FGD4: variants seen among roughly 807,000 people sequenced by gnomAD.
FGD4 encodes the protein FYVE, RhoGEF and PH domain-containing protein 4.
FGD4 carries 42 observed loss-of-function variants against 102.0 expected under a neutral mutation model. That is an observed-to-expected ratio of 0.41 (90% confidence interval 0.32 to 0.53). FGD4 has a LOEUF of 0.53. FGD4 is among the 20% of genes least tolerant of loss of function. The probability of loss-of-function intolerance (pLI) is 0.21; values close to 1 mark genes in which losing one functional copy is unlikely to be tolerated. For synonymous variants in FGD4, 380 were observed against 375.7 expected, an observed-to-expected ratio of 1.01 and a Z score of -0.13; for missense variants, 902 against 1,078.2, an observed-to-expected ratio of 0.84 and a Z score of 2.29.
chr12:32,608,189 T>C (rs1176225821), intron 8 of FGD4, 94 bp downstream of exon 8: 1 of 1,483,200 alleles, frequency 6.7e-7, no homozygotes, highest in East Asian at 2.3e-5. Flanking sequence ...TCACAGCTAC[T>C]TTAGTCAAAT....
At chr12:32,582,601 T>C (rs1401537250) in intron 4 of FGD4, 134 bp downstream of exon 4, 1 of 1,182,566 alleles carries the variant, frequency 8.5e-7, no homozygotes, top group Non-Finnish European at 1.2e-6. Flanking sequence ...ATTTTCAAGC[T>C]CTGGCTGCTG....
At chr12:32,441,095 G>C (rs1414937444) in intron 1 of FGD4, among the ~76,000 whole-genome samples, 1 of 152,150 alleles carries the variant, frequency 6.6e-6, no homozygotes, top group Non-Finnish European at 1.5e-5. Context: ...CCAAGAGTCA[G>C]GGTCTGGAAC....
At chr12:32,473,915 G>C (rs2136527362) in intron 1 of FGD4, among the ~76,000 whole-genome samples, 1 of 152,074 alleles carries the variant, frequency 6.6e-6, no homozygotes, top group African/African-American at 2.4e-5. Flanking sequence ...GTGAAACCCT[G>C]TCTCTACTAA....
chr12:32,584,146 G>A (rs1424772776), intron 4 of FGD4, among the ~76,000 whole-genome samples: 1 of 152,156 alleles, frequency 6.6e-6, no homozygotes, highest in Admixed American at 6.5e-5. Flanking sequence ...TCCTGAATGG[G>A]CCTTTACACA....
chr12:32,620,520 CTTTTTTTTTTT>C (rs1233071153), intron 11 of FGD4, among the ~76,000 whole-genome samples: 6 of 91,130 alleles, frequency 6.6e-5, no homozygotes, highest in Admixed American at 5.5e-4. Context: ...TTTTTTCTTT[CTTTTTTTTTTT>C]TTTTTTTTTT....
chr12:32,558,733 T>G (rs140513442), intron 1 of FGD4, among the ~76,000 whole-genome samples: 1 of 152,314 alleles, frequency 6.6e-6, no homozygotes, highest in East Asian at 1.9e-4. Context: ...AAAGGAAAGT[T>G]AAGCCATAGT....
intron 1 of FGD4, among the ~76,000 whole-genome samples, chr12:32,406,563 TA>T (rs994978471): frequency 6.7e-6 from 1 of 149,920 alleles, no homozygotes; most frequent in Admixed American, 6.7e-5. Context: ...CAAAAAAATT[TA>T]AAAAAAAAGA....
intron 1 of FGD4, among the ~76,000 whole-genome samples, chr12:32,475,684 G>A (rs1230501816): frequency 2.0e-5 from 3 of 152,166 alleles, no homozygotes; most frequent in Admixed American, 1.3e-4. Flanking sequence ...TGATGCATAC[G>A]AAGTTTTAGA....
intron 1 of FGD4, among the ~76,000 whole-genome samples, chr12:32,517,982 A>G (rs1413805703): frequency 6.7e-6 from 1 of 149,822 alleles, no homozygotes; most frequent in Non-Finnish European, 1.5e-5. Flanking sequence ...TGCATGTAAC[A>G]TTTACTGTTT....
rs959203100 is a variant in FGD4, at chr12:32,524,395, C to CAAAA, written c.167-39724_167-39721dup. Among the ~76,000 whole-genome samples, 207 of 69,272 alleles carry CAAAA rather than the reference C, an allele frequency of 3.0e-3. 6 individuals carry two copies. Among genetic ancestry groups the CAAAA allele is most frequent in the African/African-American group, 0.011 (193 of 17,190 alleles). The allele number at this position is 69,272 out of a possible 152,430, so 45.4% of individuals were successfully genotyped here. A position where few individuals can be genotyped will look rare whatever the true frequency, so the allele number is the denominator to read the frequency against. ...TGGGCGACAGAGGGAGACTCTGTCT[C>CAAAA]AAAAAAAAAAAAAAAAAAAAAGATA... is the stretch of plus-strand genomic sequence containing the variant. On this transcript the variant is annotated intron_variant, in intron 1 of 16. Coordinates refer to ENST00000534526, the MANE Select transcript of FGD4 (RefSeq NM_001370298.3).
chr12:32,513,352 G>A (rs559657354), intron 1 of FGD4, among the ~76,000 whole-genome samples: 24 of 152,314 alleles, frequency 1.6e-4, no homozygotes, highest in African/African-American at 5.3e-4. Flanking sequence ...GAGTGGAATG[G>A]TTGGAATCTG....
At chr12:32,424,221 C>T (rs184076590) in intron 1 of FGD4, among the ~76,000 whole-genome samples, 1 of 151,964 alleles carries the variant, frequency 6.6e-6, no homozygotes, top group East Asian at 1.9e-4. Context: ...CCTCCCCTAG[C>T]CCCCAACCCC....
At chr12:32,435,596 G>A (rs1371658911) in intron 1 of FGD4, among the ~76,000 whole-genome samples, 2 of 151,432 alleles carry the variant, frequency 1.3e-5, no homozygotes, top group Non-Finnish European at 2.9e-5. Context: ...ACTCATTAGC[G>A]AATATAATTT....
chr12:32,486,053 A>T (rs978811013), intron 1 of FGD4: 5 of 1,497,838 alleles, frequency 3.3e-6, no homozygotes, highest in African/African-American at 1.4e-5. Flanking sequence ...TCTACCAACA[A>T]ATTATGGATC....
Position 32,516,290 on chromosome 12 carries a change from C to T in FGD4, c.167-47847C>T, listed in dbSNP as rs181147867. Among the ~76,000 whole-genome samples, 171 of 152,146 alleles carry T rather than the reference C, an allele frequency of 1.1e-3. 2 individuals carry two copies. The highest frequency in any genetic ancestry group is 0.011 in the Admixed American group (162 of 15,260). On this transcript the variant is annotated intron_variant, in intron 1 of 16. Transcript: ENST00000534526. ...AGGCAGGAGGATTACTCCAGGTGTG[C>T]GCCACCATGCCTGGCTAATTTTTTA...
chr12:32,455,365 G>C (rs749309897), intron 1 of FGD4, among the ~76,000 whole-genome samples: 1 of 151,996 alleles, frequency 6.6e-6, no homozygotes, highest in Non-Finnish European at 1.5e-5. Flanking sequence ...AAGTATAGTA[G>C]TATATTCCTT....
In FGD4 at chr12:32,517,599, G is replaced by T. The variant is rs977977569; in HGVS notation, c.167-46538G>T. 3.3e-5 allele frequency among the ~76,000 whole-genome samples: 5 copies of T among 152,282 alleles called. No individual in the cohort carries two copies. In the East Asian group the frequency reaches 9.7e-4, roughly 29 times the overall value. On this transcript the variant is annotated intron_variant, in intron 1 of 16. Transcript: ENST00000534526. The stretch of plus-strand genomic sequence containing the variant: ...ATCTAGACTGATGTGTAGGAGATAT[G>T]ATTAGTCTTAGGGCCAGGCACAGCT...
intron 10 of FGD4, 106 bp downstream of exon 10, chr12:32,611,389 G>A: frequency 1.5e-6 from 2 of 1,333,118 alleles, no homozygotes; most frequent in Non-Finnish European, 2.1e-6. Flanking sequence ...GCCGAGGCGA[G>A]TGGATCTCCT....
intron 1 of FGD4, among the ~76,000 whole-genome samples, chr12:32,478,052 C>G (rs1166834328): frequency 6.6e-6 from 1 of 152,154 alleles, no homozygotes; most frequent in Non-Finnish European, 1.5e-5. Flanking sequence ...AAAAAAATAT[C>G]AAATTAATGC....
Sources: allele counts gnomAD v4.1 joint callset (sites outside exome capture counted in the v4.1 genomes callset), GRCh38; gene constraint gnomAD v4.1.1; transcripts MANE v1.5; gene names NCBI Gene and HGNC (gene_info 2026-07-23, HGNC 2026-07-21).